The following SCUBE1 variants were observed in gnomAD, a reference collection of about 807,000 sequenced individuals.
SCUBE1 encodes the protein signal peptide, CUB and EGF-like domain-containing protein 1.
A neutral mutation model predicts 124.4 loss-of-function variants in SCUBE1; 59 were observed. The ratio of observed to expected loss-of-function variants is 0.47; its 90% CI spans 0.38 to 0.59. The LOEUF (loss-of-function observed/expected upper bound fraction) is 0.59. Ranked by LOEUF, SCUBE1 falls within the 20% of genes least tolerant of loss-of-function variation. The probability of loss-of-function intolerance (pLI) is 0.00; values close to 1 mark genes in which losing one functional copy is unlikely to be tolerated. For missense variants in SCUBE1, 1,150 were observed against 1,371.2 expected (o/e 0.84, Z 2.55); for synonymous variants, 545 against 550.9 (o/e 0.99, Z 0.15).
intron 6 of SCUBE1, among the ~76,000 whole-genome samples, chr22:43,251,226 G>A (rs1275028457): frequency 1.3e-5 from 2 of 152,236 alleles, no homozygotes; most frequent in Non-Finnish European, 2.9e-5. Context: ...GAGGCTCCGT[G>A]AAGTGGGTGG....
chr22:43,272,401 A>C (rs377159777), intron 4 of SCUBE1: 3 of 152,178 alleles, frequency 2.0e-5, no homozygotes, highest in Admixed American at 2.0e-4. Flanking sequence ...CTGGGTGTGC[A>C]CAGGCCTTGG....
At position 43,222,627 on chromosome 22, in the gene SCUBE1, G is replaced by C. The variant is rs78670709; in HGVS notation, c.1432+11C>G. The stretch of plus-strand genomic sequence containing the variant: ...CAGTGGCATGCAGCATGGACAGGCC[G>C]GGGGGGTTACCTGAGCAGCTGGGCC... On this transcript the variant is annotated intron_variant, in intron 12 of 21. Coordinates refer to ENST00000360835, the MANE Select transcript of SCUBE1 (RefSeq NM_173050.5). 1.5e-5 allele frequency: 2 copies of C among 130,932 alleles called. No individual in the cohort carries two copies. Among genetic ancestry groups the C allele is most frequent in the Non-Finnish European group, 2.2e-5 (2 of 89,300 alleles). The allele number at this position is 130,932 out of a possible 1,614,324, so 8.1% of individuals were successfully genotyped here.
intron 3 of SCUBE1, among the ~76,000 whole-genome samples, chr22:43,310,194 C>G (rs554161858): frequency 6.6e-6 from 1 of 152,220 alleles, no homozygotes; most frequent in Admixed American, 6.5e-5. Flanking sequence ...GGCCCATCCC[C>G]AAACTCCTAA....
rs973837736 is a variant in SCUBE1 at position 43,291,159 on chromosome 22, T to C, written c.371A>G (p.Asn124Ser). 3.7e-6 allele frequency: 6 copies of C among 1,612,134 alleles called. No individual in the cohort carries two copies. In the African/African-American group the frequency reaches 5.3e-5, roughly 14 times the overall value. Residue 124 changes from asparagine (N) to serine (S), a missense_variant, in exon 4 of 22, where the codon AAT (asparagine) becomes AGT (serine). Transcript: ENST00000360835. The part of the protein sequence containing the change: ...NCLDVDECQD[N>S]NGGCQQICVN... ...GCAGATCTGCTGGCAGCCACCATTA[T>C]TGTCCTGACACTCGTCCACATCTGT...
Position 43,203,649 on chromosome 22 carries a change from C to T in SCUBE1, c.*348G>A. 1 of 206,476 alleles carries T rather than the reference C, an allele frequency of 4.8e-6. No individual in the cohort carries two copies. Among genetic ancestry groups the T allele is most frequent in the South Asian group, 9.2e-5 (1 of 10,828 alleles). 12.8% of individuals were successfully genotyped at this position (206,476 alleles called of 1,614,324 possible). On this transcript the variant is annotated 3_prime_UTR_variant, in exon 22 of 22. Coordinates refer to ENST00000360835, the MANE Select transcript of SCUBE1 (RefSeq NM_173050.5). The stretch of plus-strand genomic sequence containing the variant: ...TCCTGTCTCGGATGACCACGCCTCC[C>T]AGAGCACAGGCCCCACTTCCCCTCT...
At chr22:43,334,746 G>A (rs1927009921) in intron 2 of SCUBE1, among the ~76,000 whole-genome samples, 1 of 152,064 alleles carries the variant, frequency 6.6e-6, no homozygotes. Flanking sequence ...CATCATCACA[G>A]TAAGGGCAGC....
At chr22:43,225,293 C>T (rs1430702526) in intron 10 of SCUBE1, among the ~76,000 whole-genome samples, 4 of 152,018 alleles carry the variant, frequency 2.6e-5, no homozygotes, top group African/African-American at 9.7e-5. Flanking sequence ...TGTAAAGCCA[C>T]GTCTAGAGCT....
rs368676587 is a variant in SCUBE1 at position 43,210,902 on chromosome 22, G to A, written c.2383+20C>T. Reference sequence around the variant, plus strand: ...CCCTCCCGTGTTCCCAGCTTCCCACGGCAGAGCAGCAGCACCCACTTTTGC... The same window carrying A: ...CCCTCCCGTGTTCCCAGCTTCCCACAGCAGAGCAGCAGCACCCACTTTTGC... On this transcript the variant is annotated intron_variant, in intron 18 of 21. Coordinates refer to ENST00000360835, the MANE Select transcript of SCUBE1 (RefSeq NM_173050.5). This position sits in a 1 kb window ranked among gnomAD's most constrained non-coding sequence, Gnocchi z 4.5. 17 of 1,595,550 alleles carry A rather than the reference G, an allele frequency of 1.1e-5. No homozygotes were observed. Among genetic ancestry groups the A allele is most frequent in the African/African-American group, 5.4e-5 (4 of 74,456 alleles).
Position 43,243,108 on chromosome 22 carries a change from A to T in SCUBE1, c.728-4154T>A, listed in dbSNP as rs569131328. 9.2e-5 allele frequency among the ~76,000 whole-genome samples: 14 copies of T among 152,374 alleles called. No individual in the cohort carries two copies. The East Asian group carries it at 2.3e-3, about 25-fold the overall frequency. Reference sequence around the variant, plus strand: ...GGTCCTGGGCCACCGCACACGCCACACACCCTAGAAGCTGGCCGTGTTCAG... The same window carrying T: ...GGTCCTGGGCCACCGCACACGCCACTCACCCTAGAAGCTGGCCGTGTTCAG... On this transcript the variant is annotated intron_variant, in intron 6 of 21. Transcript: ENST00000360835.
chr22:43,283,452 CA>C (rs1445860370), intron 4 of SCUBE1: 1 of 152,186 alleles, frequency 6.6e-6, no homozygotes, highest in Non-Finnish European at 1.5e-5. Flanking sequence ...TTCGAGGGGT[CA>C]AATGAAGCAG....
At chr22:43,242,262 G>A (rs1288539424) in intron 6 of SCUBE1, among the ~76,000 whole-genome samples, 2 of 152,178 alleles carry the variant, frequency 1.3e-5, no homozygotes, top group African/African-American at 4.8e-5. Flanking sequence ...ATGACAACCA[G>A]CCTGGCCATC....
chr22:43,204,249 T>C, intron 21 of SCUBE1, 100 bp from the exon 22 acceptor site: 2 of 1,039,352 alleles, frequency 1.9e-6, no homozygotes, highest in South Asian at 2.9e-5. Context: ...CGCTGGCTGG[T>C]GGGTTTCAGG....
At chr22:43,279,757 A>T (rs1345094085) in intron 4 of SCUBE1, among the ~76,000 whole-genome samples, 2 of 152,192 alleles carry the variant, frequency 1.3e-5, no homozygotes, top group East Asian at 3.9e-4. Context: ...GACCTGCCTC[A>T]GGTTGGACCC....
rs746362042 is a variant in SCUBE1 at position 43,262,791 on chromosome 22, G to A, written c.539C>T (p.Thr180Met). The A allele has an allele frequency of 2.9e-5, 47 of 1,614,080 alleles. 1 individual carries two copies. The highest frequency in any genetic ancestry group is 1.4e-4 in the South Asian group (13 of 91,090). ...GTCGCAGGCCACCCCACCTTTGGGC[G>A]TCTCCCGGCAGATGTGGGCACAGCC... ...DHGCAHICRE[T>M]PKGGVACDCR... The change falls in exon 5 of 22, where the codon ACG becomes ATG. Residue 180 changes from threonine to methionine, a missense_variant. This residue lies in a region of SCUBE1 where 337 missense variants were observed against 482.1 expected (regional missense o/e 0.70). Transcript: ENST00000360835.
chr22:43,335,906 AATGATGATGGTG>A (rs1927060105), intron 2 of SCUBE1, among the ~76,000 whole-genome samples: 1 of 107,984 alleles, frequency 9.3e-6, no homozygotes, highest in Non-Finnish European at 2.0e-5. Flanking sequence ...TGGTGATGAT[AATGATGATGGTG>A]ATGATGGTGG....
chr22:43,211,276 G>T lies in SCUBE1; in HGVS notation c.2222-193C>A, dbSNP rs1334928202. 6.6e-6 allele frequency among the ~76,000 whole-genome samples: 1 copy of T among 152,182 alleles called. No homozygotes were observed. The highest frequency in any genetic ancestry group is 1.5e-5 in the Non-Finnish European group (1 of 68,036). ...GCCAGGAAGAGCCCTTGGCGTGGGGGTCACATGGCAGATTGATGTGATGTT... is the reference window on the plus strand; with the variant it reads ...GCCAGGAAGAGCCCTTGGCGTGGGGTTCACATGGCAGATTGATGTGATGTT... On this transcript the variant is annotated intron_variant, in intron 17 of 21. Coordinates refer to ENST00000360835, the MANE Select transcript of SCUBE1 (RefSeq NM_173050.5). This position sits in a 1 kb window ranked among gnomAD's most constrained non-coding sequence, Gnocchi z 4.5.
intron 4 of SCUBE1, among the ~76,000 whole-genome samples, chr22:43,280,178 C>T (rs1924706771): frequency 6.6e-6 from 1 of 152,080 alleles, no homozygotes; most frequent in Admixed American, 6.5e-5. Context: ...AAGTAGAGAC[C>T]AGTGGGCCCT....
At chr22:43,267,991 A>G (rs1362240674) in intron 4 of SCUBE1, among the ~76,000 whole-genome samples, 1 of 152,210 alleles carries the variant, frequency 6.6e-6, no homozygotes, top group African/African-American at 2.4e-5. Flanking sequence ...CCAGATGGGA[A>G]AGGACTCTGT....
At position 43,320,029 on chromosome 22, in the gene SCUBE1, C is replaced by T. The variant is rs1325406299; in HGVS notation, c.257G>A (p.Gly86Asp). 1 of 1,614,062 alleles carries T rather than the reference C, an allele frequency of 6.2e-7. No individual in the cohort carries two copies. Among genetic ancestry groups the T allele is most frequent in the Admixed American group, 1.7e-5 (1 of 60,012 alleles). ...GATGTTGATGCACTCGTGGACACAG[C>T]CCCCATTGTAGTAGTCATTCTCACA... is the stretch of plus-strand genomic sequence containing the variant. ...DECENDYYNG[G>D]CVHECINIPG... Residue 86 changes from glycine (G) to aspartate (D), a missense_variant, in exon 3 of 22, where the codon GGC becomes GAC. Gly to Asp is a moderately conservative substitution (Grantham distance 94). Coordinates refer to ENST00000360835, the MANE Select transcript of SCUBE1 (RefSeq NM_173050.5).
Sources: allele counts gnomAD v4.1 joint callset (sites outside exome capture counted in the v4.1 genomes callset), GRCh38; gene constraint gnomAD v4.1.1; regional missense constraint gnomAD v4.1.1; non-coding constraint Gnocchi (gnomAD v3.1); transcripts MANE v1.5; gene names NCBI Gene and HGNC (gene_info 2026-07-23, HGNC 2026-07-21).